PPM1N: variants seen among roughly 807,000 people sequenced by gnomAD.
PPM1N encodes the protein probable protein phosphatase 1N.
A neutral mutation model predicts 32.6 loss-of-function variants in PPM1N; 35 were observed. That is an observed-to-expected ratio of 1.07 (90% CI 0.82 to 1.43). The LOEUF (loss-of-function observed/expected upper bound fraction) is 1.43, where lower values mean the gene tolerates loss of function less well. PPM1N is among the 40% of genes most tolerant of loss of function. PPM1N has a pLI of 0.00. For synonymous variants in PPM1N, 275 were observed against 270.5 expected (o/e 1.02, Z -0.16); for missense variants, 648 against 606.6 (o/e 1.07, Z -0.72).
Position 45,500,525 on chromosome 19 carries a change from T to C in PPM1N, c.1127T>C (p.Ile376Thr), listed in dbSNP as rs755739966. Residue 376 changes from isoleucine (I) to threonine (T), a missense_variant, in exon 3 of 5, where the codon ATC (isoleucine) becomes ACC (threonine). Transcript: ENST00000451287. ...TVFRTLASEDIPDLPPGGGLD... is the reference protein window; with the variant it reads ...TVFRTLASEDTPDLPPGGGLD... ...TTCAGGACTCTGGCCTCAGAGGACA[T>C]CCCAGATTTACCTCCTGGGGGAGGG... is the stretch of plus-strand genomic sequence containing the variant. 1 of 1,610,926 alleles carries C rather than the reference T, an allele frequency of 6.2e-7. No homozygotes were observed. Among genetic ancestry groups the C allele is most frequent in the South Asian group, 1.1e-5 (1 of 90,568 alleles).
rs1422334034 is a variant in PPM1N, at chr19:45,500,482, C to T, written c.1084C>T (p.Pro362Ser). The T allele has an allele frequency of 6.2e-7, 1 of 1,610,526 alleles. No homozygotes were observed. Residue 362 changes from proline (P) to serine (S), a missense_variant, in exon 3 of 5, where the codon CCC becomes TCC. Transcript: ENST00000451287. ...ACTGTGTGCCTCTGCTCAGAAGCCC[C>T]CCAGCCTGAACACAGTTTTCAGGAC... is the stretch of plus-strand genomic sequence containing the variant. ...AELCASAQKP[P>S]SLNTVFRTLA...
chr19:45,499,675 C>G, intron 1 of PPM1N: 1 of 1,547,164 alleles, frequency 6.5e-7, no homozygotes, highest in Non-Finnish European at 8.7e-7. Flanking sequence ...GATTCTGGGT[C>G]GTAGGAGCCG....
In PPM1N at chr19:45,499,188, A is replaced by C. The variant is rs369581966; in HGVS notation, c.716A>C (p.Lys239Thr). 6.5e-6 allele frequency: 10 copies of C among 1,543,778 alleles called. No individual in the cohort carries two copies. In the African/African-American group the frequency reaches 1.4e-4, roughly 21 times the overall value. The change falls in exon 1 of 5, where the codon AAG becomes ACG. Residue 239 changes from lysine (K) to threonine (T), a missense_variant. Lys to Thr is a moderately conservative substitution (Grantham distance 78, BLOSUM62 -1). Transcript: ENST00000451287. ...CGAGCGTTGGGCGACTTTACCTACAAGGAGGCTCCGGGGAGGCCCCCCGAG... is the reference window on the plus strand; with the variant it reads ...CGAGCGTTGGGCGACTTTACCTACACGGAGGCTCCGGGGAGGCCCCCCGAG... ...VSRALGDFTY[K>T]EAPGRPPELQ...
rs1046605021 is a variant in PPM1N, at chr19:45,498,565, G to A, written c.93G>A (p.Glu31=). ...AGGAGGGGAGGGAGGAAGAGGAGGA[G>A]GAGGAGGCGGGGCGCAGGGCCCCCG... ...REKEGREEEE[E]EEAGRRAPEG... is the part of the protein sequence containing the mutation. Residue 31 remains glutamate (E), a synonymous_variant, in exon 1 of 5, where the codon GAG becomes GAA. Coordinates refer to ENST00000451287, the MANE Select transcript of PPM1N (RefSeq NM_001080401.2). The A allele has an allele frequency of 4.8e-6, 7 of 1,461,848 alleles. No homozygotes were observed. The highest frequency in any genetic ancestry group is 4.1e-5 in the South Asian group (3 of 72,986). The allele number at this position is 1,461,848 out of a possible 1,614,324, so 90.6% of individuals were successfully genotyped here. A position where few individuals can be genotyped will look rare whatever the true frequency, so the allele number is the denominator to read the frequency against.
At chr19:45,500,105 G>T in intron 2 of PPM1N, 39 bp downstream of exon 2, 1 of 1,537,782 alleles carries the variant, frequency 6.5e-7, no homozygotes, top group Admixed American at 2.2e-5. Context: ...GGGGTGGTTG[G>T]CCAGTGAAGG....
Position 45,498,595 on chromosome 19 carries a change from G to T in PPM1N, c.123G>T (p.Gly41=). 2 of 1,457,216 alleles carry T rather than the reference G, an allele frequency of 1.4e-6. No individual in the cohort carries two copies. The highest frequency in any genetic ancestry group is 1.8e-6 in the Non-Finnish European group (2 of 1,109,514). The allele number at this position is 1,457,216 out of a possible 1,614,324, so 90.3% of individuals were successfully genotyped here. ...EEEAGRRAPE[G]PRSLLTAPRR... ...AGGCGGGGCGCAGGGCCCCCGAAGG[G>T]CCTCGGTCTCTGTTGACAGCGCCGC... Residue 41 remains glycine (G), a synonymous_variant, in exon 1 of 5, where the codon GGG becomes GGT. Transcript: ENST00000451287.
At position 45,500,503 on chromosome 19, in the gene PPM1N, A is replaced by G; in HGVS notation, c.1105A>G (p.Arg369Gly). The change falls in exon 3 of 5, where the codon AGG becomes GGG. Residue 369 changes from arginine to glycine, a missense_variant. Coordinates refer to ENST00000451287, the MANE Select transcript of PPM1N (RefSeq NM_001080401.2). ...GCCCCCCAGCCTGAACACAGTTTTC[A>G]GGACTCTGGCCTCAGAGGACATCCC... ...QKPPSLNTVF[R>G]TLASEDIPDL... 4 of 1,611,240 alleles carry G rather than the reference A, an allele frequency of 2.5e-6. No individual in the cohort carries two copies. The highest frequency in any genetic ancestry group is 3.4e-6 in the Non-Finnish European group (4 of 1,178,690).
rs1968427015 is a variant in PPM1N at position 45,502,285 on chromosome 19, C to G, written c.*200C>G. 1 of 152,420 alleles carries G rather than the reference C, an allele frequency of 6.6e-6. No homozygotes were observed. The highest frequency in any genetic ancestry group is 3.9e-5 in the African/African-American group (1 of 25,586). The allele number at this position is 152,420 out of a possible 1,614,324, so 9.4% of individuals were successfully genotyped here. On this transcript the variant is annotated 3_prime_UTR_variant, in exon 5 of 5. Transcript: ENST00000451287. ...TGGGGAAATTCCACCAACATCCAGACCAAAAAGAAAAAAGCCCAAATCGAA... is the reference window on the plus strand; with the variant it reads ...TGGGGAAATTCCACCAACATCCAGAGCAAAAAGAAAAAAGCCCAAATCGAA...
chr19:45,502,303 AAATC>A lies in PPM1N; in HGVS notation c.*219_*222del. 1 of 364,758 alleles carries A rather than the reference AAATC, an allele frequency of 2.7e-6. No individual in the cohort carries two copies. The allele number at this position is 364,758 out of a possible 1,614,324, so 22.6% of individuals were successfully genotyped here. A position where few individuals can be genotyped will look rare whatever the true frequency, so the allele number is the denominator to read the frequency against. On this transcript the variant is annotated 3_prime_UTR_variant, in exon 5 of 5. Coordinates refer to ENST00000451287, the MANE Select transcript of PPM1N (RefSeq NM_001080401.2). ...ATCCAGACCAAAAAGAAAAAAGCCC[AAATC>A]GAAAAAAAAAAAAAAAAAAAAAAAA...
Position 45,498,772 on chromosome 19 carries a change from C to T in PPM1N, c.300C>T (p.Ala100=), listed in dbSNP as rs1469818543. 1 of 1,557,376 alleles carries T rather than the reference C, an allele frequency of 6.4e-7. No homozygotes were observed. The highest frequency in any genetic ancestry group is 8.6e-7 in the Non-Finnish European group (1 of 1,156,274). The change falls in exon 1 of 5, where the codon GCC becomes GCT. Residue 100 remains alanine (A), a synonymous_variant. Coordinates refer to ENST00000451287, the MANE Select transcript of PPM1N (RefSeq NM_001080401.2). ...TGCCCCCGGGCTGGGCCTTGTTTGCCGTCCTCGACGGCCACGGTGGGGCTC... is the reference window on the plus strand; with the variant it reads ...TGCCCCCGGGCTGGGCCTTGTTTGCTGTCCTCGACGGCCACGGTGGGGCTC... ...PGLPPGWALF[A]VLDGHGGARA...
At chr19:45,500,760 C>A in intron 4 of PPM1N, 50 bp downstream of exon 4, 1 of 1,399,254 alleles carries the variant, frequency 7.1e-7, no homozygotes, top group Non-Finnish European at 9.8e-7. Flanking sequence ...GACGCCCCCC[C>A]GCCCACCCCT....
Position 45,499,976 on chromosome 19 carries a change from C to G in PPM1N, c.967C>G (p.Leu323Val). 1 of 1,598,584 alleles carries G rather than the reference C, an allele frequency of 6.3e-7. No homozygotes were observed. Among genetic ancestry groups the G allele is most frequent in the Non-Finnish European group, 8.5e-7 (1 of 1,172,174 alleles). Residue 323 changes from leucine to valine, a missense_variant, in exon 2 of 5, where the codon CTG (leucine) becomes GTG (valine). Coordinates refer to ENST00000451287, the MANE Select transcript of PPM1N (RefSeq NM_001080401.2). ...CAGCCTGGACAACATGACCTGCATCCTGGTCTGCTTCCCTGGGGCCCCTAG... is the reference window on the plus strand; with the variant it reads ...CAGCCTGGACAACATGACCTGCATCGTGGTCTGCTTCCCTGGGGCCCCTAG... ...KGSLDNMTCILVCFPGAPRPS... is the reference protein window; with the variant it reads ...KGSLDNMTCIVVCFPGAPRPS...
At position 45,499,239 on chromosome 19, in the gene PPM1N, A is replaced by G. The variant is rs1304562993; in HGVS notation, c.767A>G (p.Glu256Gly). Residue 256 changes from glutamate to glycine, a missense_variant, in exon 1 of 5, where the codon GAG becomes GGG. Glu to Gly is a moderately conservative substitution (Grantham distance 98, BLOSUM62 -2). Coordinates refer to ENST00000451287, the MANE Select transcript of PPM1N (RefSeq NM_001080401.2). The stretch of plus-strand genomic sequence containing the variant: ...CTACAGCTCGTTTCTGCGGAGCCAG[A>G]GGTGGCCGCACTGGCACGCCAGGCT... ...PELQLVSAEPEVAALARQAED... is the reference protein window; with the variant it reads ...PELQLVSAEPGVAALARQAED... 1.9e-6 allele frequency: 3 copies of G among 1,600,910 alleles called. No individual in the cohort carries two copies. The highest frequency in any genetic ancestry group is 2.7e-5 in the African/African-American group (2 of 74,638).
rs776670960 is a variant in PPM1N at position 45,498,990 on chromosome 19, G to T, written c.518G>T (p.Arg173Leu). ...CTAVVLLVSP[R>L]FLYLAHCGDS... Reference sequence around the variant, plus strand: ...GCCGTGGTGTTGCTGGTCTCCCCGCGGTTTCTGTACCTGGCGCACTGCGGT... The same window carrying T: ...GCCGTGGTGTTGCTGGTCTCCCCGCTGTTTCTGTACCTGGCGCACTGCGGT... Residue 173 changes from arginine (R) to leucine (L), a missense_variant, in exon 1 of 5, where the codon CGG becomes CTG. Coordinates refer to ENST00000451287, the MANE Select transcript of PPM1N (RefSeq NM_001080401.2). 6.4e-7 allele frequency: 1 copy of T among 1,564,362 alleles called. No homozygotes were observed. The highest frequency in any genetic ancestry group is 8.6e-7 in the Non-Finnish European group (1 of 1,164,504).
chr19:45,500,095 G>A, intron 2 of PPM1N, 29 bp downstream of exon 2: 1 of 1,560,676 alleles, frequency 6.4e-7, no homozygotes, highest in Admixed American at 1.9e-5. Context: ...CCCAGCTGGA[G>A]GGGTGGTTGG....
intron 1 of PPM1N, chr19:45,499,702 T>C (rs1968378820): frequency 6.5e-7 from 1 of 1,546,898 alleles, no homozygotes; most frequent in Admixed American, 2.0e-5. Flanking sequence ...AAGTATTGAT[T>C]AGTGCTGGAA....
Position 45,500,031 on chromosome 19 carries a change from TAGCACTGGACGC to T in PPM1N, c.1026_1037del (p.Asp344_Leu347del). The T allele has an allele frequency of 1.2e-6, 2 of 1,601,882 alleles. No individual in the cohort carries two copies. The highest frequency in any genetic ancestry group is 1.7e-6 in the Non-Finnish European group (2 of 1,173,764). The stretch of plus-strand genomic sequence containing the variant: ...TCTGAGGAGGCGATCAGGAGGGAGC[TAGCACTGGACGC>T]AGCCCTGGGCTGCAGAATCGCTGGT... On this transcript the variant is annotated inframe_deletion, in exon 2 of 5. Transcript: ENST00000451287.
In PPM1N at chr19:45,498,742, T is replaced by C; in HGVS notation, c.270T>C (p.Pro90=). 1 of 1,554,154 alleles carries C rather than the reference T, an allele frequency of 6.4e-7. No individual in the cohort carries two copies. Among genetic ancestry groups the C allele is most frequent in the East Asian group, 2.5e-5 (1 of 40,012 alleles). Residue 90 remains proline (P), a synonymous_variant, in exon 1 of 5, where the codon CCT becomes CCC. Coordinates refer to ENST00000451287, the MANE Select transcript of PPM1N (RefSeq NM_001080401.2). ...CTCACTGCACTTGGCTTTCGTTACC[T>C]GGTCTGCCCCCGGGCTGGGCCTTGT... ...EDAHCTWLSL[P]GLPPGWALFA... is the part of the protein sequence containing the mutation.
rs768739610 is a variant in PPM1N, at chr19:45,499,240, G to A, written c.768G>A (p.Glu256=). 3 of 1,601,840 alleles carry A rather than the reference G, an allele frequency of 1.9e-6. No individual in the cohort carries two copies. Among genetic ancestry groups the A allele is most frequent in the Non-Finnish European group, 2.6e-6 (3 of 1,176,192 alleles). ...PELQLVSAEP[E]VAALARQAED... is the part of the protein sequence containing the mutation. ...TACAGCTCGTTTCTGCGGAGCCAGA[G>A]GTGGCCGCACTGGCACGCCAGGCTG... is the stretch of plus-strand genomic sequence containing the variant. Residue 256 remains glutamate (E), a synonymous_variant, in exon 1 of 5, where the codon GAG becomes GAA. Coordinates refer to ENST00000451287, the MANE Select transcript of PPM1N (RefSeq NM_001080401.2).
Sources: gnomAD v4.1 joint callset for allele counts on GRCh38, gnomAD v4.1.1 for gene constraint, MANE v1.5 for transcripts, NCBI Gene and HGNC (gene_info 2026-07-23, HGNC 2026-07-21) for gene names.